Variants in MTA1 observed in about 807,000 individuals in gnomAD.
The protein encoded by MTA1 is metastasis associated 1, also known as metastasis-associated protein MTA1.
In MTA1, 15 loss-of-function variants were observed where a neutral mutation model predicts 97.0. The observed-to-expected ratio is 0.15, with a 90% CI of 0.10 to 0.24. The LOEUF is 0.24. Among genes scored for constraint, MTA1 ranks in the 10% least tolerant of loss-of-function variants. MTA1 has a pLI of 1.00. For synonymous variants in MTA1, 435 were observed against 417.5 expected, an observed-to-expected ratio of 1.04 and a Z score of -0.51; for missense variants, 709 against 1,015.1, an observed-to-expected ratio of 0.70 and a Z score of 4.10.
chr14:105,461,489 C>A, intron 10 of MTA1, among the ~76,000 whole-genome samples: 1 of 152,192 alleles, frequency 6.6e-6, no homozygotes, highest in East Asian at 1.9e-4. Flanking sequence ...CTAAATTAAT[C>A]TGTTAGAAGA....
At chr14:105,449,264 C>T in intron 3 of MTA1, 95 bp from the exon 4 acceptor site, 2 of 1,338,586 alleles carry the variant, frequency 1.5e-6, no homozygotes, top group South Asian at 1.4e-5. Flanking sequence ...TGCCCTGCCC[C>T]CTGGCGGCAC....
In MTA1 at chr14:105,424,934, G is replaced by A. The variant is rs1159472099; in HGVS notation, c.28+4871G>A. ...GACCCGCCCTGGCAGTGCCGTTCCC[G>A]CCCGTGTGTGTGGGTTCTGGGTGTC... On this transcript the variant is annotated intron_variant, in intron 1 of 20. Coordinates refer to ENST00000331320, the MANE Select transcript of MTA1 (RefSeq NM_004689.4). This position sits in a 1 kb window ranked among gnomAD's most constrained non-coding sequence, Gnocchi z 4.0. Among the ~76,000 whole-genome samples, 6 of 152,212 alleles carry A rather than the reference G, an allele frequency of 3.9e-5. No individual in the cohort carries two copies. The highest frequency in any genetic ancestry group is 9.6e-5 in the African/African-American group (4 of 41,460).
rs1555421210 is a variant in MTA1, at chr14:105,422,339, G to A, written c.28+2276G>A. ...TTGGTGCTCGCTCGGGGAGGTGGGCGTCTGGATTCTTGAGCCCCCAGACAA... is the reference window on the plus strand; with the variant it reads ...TTGGTGCTCGCTCGGGGAGGTGGGCATCTGGATTCTTGAGCCCCCAGACAA... On this transcript the variant is annotated intron_variant, in intron 1 of 20. Transcript: ENST00000331320. This position sits in a 1 kb window ranked among gnomAD's most constrained non-coding sequence, Gnocchi z 4.3. Among the ~76,000 whole-genome samples the A allele has an allele frequency of 2.6e-5, 4 of 152,146 alleles. No individual in the cohort carries two copies. Among genetic ancestry groups the A allele is most frequent in the Admixed American group, 2.6e-4 (4 of 15,280 alleles).
chr14:105,470,429 G>A lies in MTA1; in HGVS notation c.*214G>A, dbSNP rs2083793982. 2 of 494,472 alleles carry A rather than the reference G, an allele frequency of 4.0e-6. No individual in the cohort carries two copies. The highest frequency in any genetic ancestry group is 8.0e-5 in the East Asian group (2 of 24,868). The allele number at this position is 494,472 out of a possible 1,614,324, so 30.6% of individuals were successfully genotyped here. A position where few individuals can be genotyped will look rare whatever the true frequency, so the allele number is the denominator to read the frequency against. On this transcript the variant is annotated 3_prime_UTR_variant, in exon 21 of 21. Transcript: ENST00000331320. ...GAGGAGTTGTCGTTTTTAGCTTTGTGTTTACTTTTTGGCTGGAGCGGAGAT... is the reference window on the plus strand; with the variant it reads ...GAGGAGTTGTCGTTTTTAGCTTTGTATTTACTTTTTGGCTGGAGCGGAGAT...
At chr14:105,468,736 G>A (rs2083700964) in intron 18 of MTA1, among the ~76,000 whole-genome samples, 2 of 152,238 alleles carry the variant, frequency 1.3e-5, no homozygotes, top group South Asian at 2.1e-4. Context: ...CCTGCTGGGA[G>A]CCGAGCCATC....
chr14:105,458,630 T>C (rs1555430455), intron 8 of MTA1, among the ~76,000 whole-genome samples: 1 of 152,052 alleles, frequency 6.6e-6, no homozygotes, highest in Non-Finnish European at 1.5e-5. Flanking sequence ...CTAATGGGGC[T>C]TTCCCAGGAT....
At chr14:105,433,613 G>A (rs1028690124) in intron 1 of MTA1, among the ~76,000 whole-genome samples, 2 of 152,262 alleles carry the variant, frequency 1.3e-5, no homozygotes, top group South Asian at 2.1e-4. Flanking sequence ...TTAGAGCCAC[G>A]CACCTGGGGC....
In MTA1 at chr14:105,450,152, G is replaced by C. The variant is rs587670013; in HGVS notation, c.336G>C (p.Arg112=). 1.2e-6 allele frequency: 2 copies of C among 1,613,062 alleles called. No individual in the cohort carries two copies. Among genetic ancestry groups the C allele is most frequent in the East Asian group, 4.5e-5 (2 of 44,868 alleles). ...GGCATCGGGAGCTGTTCCTCTCCCG[G>C]CAGCTGGAGTCTCTGCCCGCCACGC... ...QLRHRELFLS[R]QLESLPATHI... Residue 112 remains arginine (R), a synonymous_variant, in exon 5 of 21, where the codon CGG becomes CGC. Transcript: ENST00000331320.
At position 105,460,845 on chromosome 14, in the gene MTA1, C is replaced by T. The variant is rs375678503; in HGVS notation, c.834C>T (p.Pro278=). 86 of 1,612,710 alleles carry T rather than the reference C, an allele frequency of 5.3e-5. No individual in the cohort carries two copies. Among genetic ancestry groups the T allele is most frequent in the Middle Eastern group, 3.3e-4 (2 of 6,056 alleles). The part of the protein sequence containing the change: ...AISALVPQGG[P]VLCRDEMEEW... ...CGGCGCTGGTGCCGCAGGGCGGGCC[C>T]GTGCTCTGCAGGGACGAGATGGAGG... is the stretch of plus-strand genomic sequence containing the variant. Residue 278 remains proline, a synonymous_variant, in exon 10 of 21, where the codon CCC becomes CCT. Transcript: ENST00000331320.
chr14:105,465,822 C>G (rs1316098946), intron 16 of MTA1: 1 of 152,688 alleles, frequency 6.5e-6, no homozygotes, highest in African/African-American at 2.4e-5. Context: ...TTGCTGGGCT[C>G]GAGTGGGCTT....
chr14:105,420,084 T>C lies in MTA1; in HGVS notation c.28+21T>C. The C allele has an allele frequency of 2.8e-6, 3 of 1,059,040 alleles. No individual in the cohort carries two copies. The highest frequency in any genetic ancestry group is 4.3e-4 in the Middle Eastern group (1 of 2,316). The allele number at this position is 1,059,040 out of a possible 1,614,324, so 65.6% of individuals were successfully genotyped here. A position where few individuals can be genotyped will look rare whatever the true frequency, so the allele number is the denominator to read the frequency against. ...CGGAGGTAAGGCCGCACCGCCTTTA[T>C]GCCCGGCCCCGACCCGCCCGCAGCC... On this transcript the variant is annotated intron_variant, in intron 1 of 20. Transcript: ENST00000331320. This position sits in a 1 kb window ranked among gnomAD's most constrained non-coding sequence, Gnocchi z 5.3.
intron 16 of MTA1, 24 bp downstream of exon 16, chr14:105,465,207 G>A: frequency 6.7e-7 from 1 of 1,494,032 alleles, no homozygotes; most frequent in Non-Finnish European, 9.0e-7. Context: ...CGTGCTGGGG[G>A]GCTCCCAATG....
intron 7 of MTA1, among the ~76,000 whole-genome samples, chr14:105,456,347 G>A (rs1030079650): frequency 6.6e-6 from 1 of 152,228 alleles, no homozygotes; most frequent in African/African-American, 2.4e-5. Flanking sequence ...AATGGGCCTT[G>A]AGGTGCCCCC....
At chr14:105,435,174 T>G (rs2082293482) in intron 1 of MTA1, among the ~76,000 whole-genome samples, 1 of 152,200 alleles carries the variant, frequency 6.6e-6, no homozygotes, top group Non-Finnish European at 1.5e-5. Context: ...TTTAATAGCG[T>G]ATGTGTTGGA....
At chr14:105,427,882 G>A (rs2082057497) in intron 1 of MTA1, among the ~76,000 whole-genome samples, 2 of 151,832 alleles carry the variant, frequency 1.3e-5, no homozygotes, top group Admixed American at 1.3e-4. Flanking sequence ...GCCAGGCGTG[G>A]TGGTGCGTGC....
Position 105,424,677 on chromosome 14 carries a change from G to T in MTA1, c.28+4614G>T, listed in dbSNP as rs587635365. Among the ~76,000 whole-genome samples the T allele has an allele frequency of 6.6e-6, 1 of 151,616 alleles. No homozygotes were observed. The highest frequency in any genetic ancestry group is 1.9e-4 in the East Asian group (1 of 5,136). On this transcript the variant is annotated intron_variant, in intron 1 of 20. Transcript: ENST00000331320. This position sits in a 1 kb window ranked among gnomAD's most constrained non-coding sequence, Gnocchi z 4.0. ...CACCTGGCTAGTTTTTGTGTTTTTA[G>T]TAGAGACAGGGTTTCACCATCTAGG...
intron 1 of MTA1, among the ~76,000 whole-genome samples, chr14:105,423,231 T>C (rs2081904352): frequency 6.8e-6 from 1 of 147,386 alleles, no homozygotes; most frequent in East Asian, 2.0e-4. Flanking sequence ...TTTTTTTTTT[T>C]TTTTTTGAGA....
rs1555420570 is a variant in MTA1 at position 105,420,437 on chromosome 14, G to T, written c.28+374G>T. On this transcript the variant is annotated intron_variant, in intron 1 of 20. Coordinates refer to ENST00000331320, the MANE Select transcript of MTA1 (RefSeq NM_004689.4). The surrounding 1 kb of genome is among the most constrained non-coding windows in gnomAD (Gnocchi z 5.3). ...GCGCCGGCTGCCGGTCTGGGAGCAG[G>T]AGTTTTGGGGCTGTGGGGTCTCCCC... Among the ~76,000 whole-genome samples, 1 of 152,062 alleles carries T rather than the reference G, an allele frequency of 6.6e-6. No individual in the cohort carries two copies. The highest frequency in any genetic ancestry group is 2.4e-5 in the African/African-American group (1 of 41,418).
chr14:105,466,764 G>C (rs145579795), intron 18 of MTA1, 22 bp downstream of exon 18: 2 of 1,562,552 alleles, frequency 1.3e-6, no homozygotes, highest in Admixed American at 1.9e-5. Flanking sequence ...AGCCGCGGGC[G>C]GGCGCTGCGC....
Sources: allele counts gnomAD v4.1 joint callset (sites outside exome capture counted in the v4.1 genomes callset), GRCh38; gene constraint gnomAD v4.1.1; non-coding constraint Gnocchi (gnomAD v3.1); transcripts MANE v1.5; gene names NCBI Gene and HGNC (gene_info 2026-07-23, HGNC 2026-07-21).